Variants in CSNK1G1 observed in about 807,000 individuals in gnomAD.
CSNK1G1 encodes the protein casein kinase I isoform gamma-1.
Under a neutral mutation model 59.6 loss-of-function variants are expected in CSNK1G1, and 22 were observed. The ratio of observed to expected loss-of-function variants is 0.37; its 90% confidence interval spans 0.26 to 0.53. The LOEUF (loss-of-function observed/expected upper bound fraction) is 0.53, where lower values mean the gene tolerates loss of function less well. Among genes scored for constraint, CSNK1G1 ranks in the 20% least tolerant of loss-of-function variants. The probability of loss-of-function intolerance (pLI) is 0.89; values close to 1 mark genes in which losing one functional copy is unlikely to be tolerated. For synonymous variants in CSNK1G1, 179 were observed against 177.1 expected (o/e 1.01, Z -0.08); for missense variants, 384 against 519.5 (o/e 0.74, Z 2.54).
In CSNK1G1 at chr15:64,183,632, G is replaced by C. The variant is rs75011254; in HGVS notation, c.1108-3178C>G. On this transcript the variant is annotated intron_variant, in intron 10 of 11. Transcript: ENST00000303052. Reference sequence around the variant, plus strand: ...ATCCTATCAACTTCATAAATATGAAGGGAATTAAATACAATGATGTTTAGA... The same window carrying C: ...ATCCTATCAACTTCATAAATATGAACGGAATTAAATACAATGATGTTTAGA... 6.9e-3 allele frequency among the ~76,000 whole-genome samples: 1,047 copies of C among 151,972 alleles called. 11 individuals are homozygous for C. Among genetic ancestry groups the C allele is most frequent in the African/African-American group, 0.017 (703 of 41,424 alleles).
At chr15:64,201,271 C>CAAAAA (rs545719275) in intron 10 of CSNK1G1, among the ~76,000 whole-genome samples, 9 of 64,920 alleles carry the variant, frequency 1.4e-4, no homozygotes, top group African/African-American at 3.9e-4. Context: ...GACACTGTCT[C>CAAAAA]AAAAAAAAAA....
chr15:64,195,959 G>T (rs894877111), intron 10 of CSNK1G1, among the ~76,000 whole-genome samples: 2 of 152,200 alleles, frequency 1.3e-5, no homozygotes, highest in Admixed American at 6.5e-5. Context: ...GCCAGGCATG[G>T]TAGCTCACAC....
At chr15:64,199,273 GAAAAA>G (rs2082078366) in intron 10 of CSNK1G1, among the ~76,000 whole-genome samples, 66 of 114,264 alleles carry the variant, frequency 5.8e-4, no homozygotes, top group African/African-American at 2.2e-3. Context: ...AAAAAAAAAA[GAAAAA>G]GAAAAGAAAA....
intron 2 of CSNK1G1, 130 bp from the exon 3 acceptor site, chr15:64,259,371 A>G (rs1892564145): frequency 3.2e-6 from 2 of 633,022 alleles, no homozygotes; most frequent in Non-Finnish European, 5.3e-6. Flanking sequence ...AACTTGATTT[A>G]TAAGCGAAAA....
rs780521663 is a variant in CSNK1G1, at chr15:64,213,864, C to T, written c.679+26G>A. The T allele has an allele frequency of 4.1e-6, 6 of 1,479,846 alleles. No individual in the cohort carries two copies. The Admixed American group carries it at 8.4e-5, about 21-fold the overall frequency. The allele number at this position is 1,479,846 out of a possible 1,614,324, so 91.7% of individuals were successfully genotyped here. Reference sequence around the variant, plus strand: ...AATAAACTGTTCTAATGACTCGCCCCTTTCATGGAACAGAAAAAAACACAC... The same window carrying T: ...AATAAACTGTTCTAATGACTCGCCCTTTTCATGGAACAGAAAAAAACACAC... On this transcript the variant is annotated intron_variant, in intron 6 of 11. Transcript: ENST00000303052.
At chr15:64,224,451 ACT>A (rs962803754) in intron 4 of CSNK1G1, among the ~76,000 whole-genome samples, 3 of 152,092 alleles carry the variant, frequency 2.0e-5, no homozygotes, top group African/African-American at 7.2e-5. Flanking sequence ...AGCCTTTAAA[ACT>A]CTGAGAATAA....
At chr15:64,195,421 C>A (rs148319302) in intron 10 of CSNK1G1, among the ~76,000 whole-genome samples, 5 of 152,136 alleles carry the variant, frequency 3.3e-5, no homozygotes, top group Admixed American at 3.3e-4. Flanking sequence ...TGAACCATTG[C>A]GGTGTAATGT....
At chr15:64,308,949 G>A (rs1895843546) in intron 1 of CSNK1G1, among the ~76,000 whole-genome samples, 1 of 151,352 alleles carries the variant, frequency 6.6e-6, no homozygotes, top group Non-Finnish European at 1.5e-5. Flanking sequence ...TCTGGCACTT[G>A]CTTACCTCTT....
rs1267850892 is a variant in CSNK1G1, at chr15:64,176,051, T to C, written c.1215-4066A>G. Among the ~76,000 whole-genome samples the C allele has an allele frequency of 3.9e-5, 6 of 152,226 alleles. No individual in the cohort carries two copies. The highest frequency in any genetic ancestry group is 7.2e-5 in the African/African-American group (3 of 41,458). On this transcript the variant is annotated intron_variant, in intron 11 of 11. Coordinates refer to ENST00000303052, the MANE Select transcript of CSNK1G1 (RefSeq NM_022048.5). The surrounding 1 kb of genome is among the most constrained non-coding windows in gnomAD (Gnocchi z 5.2). The stretch of plus-strand genomic sequence containing the variant: ...CTGTTATGGCAGGAGGAGACAGCGA[T>C]AAGATGGGTTTGAAAGAAGGAATAG...
chr15:64,214,250 C>T lies in CSNK1G1; in HGVS notation c.445-126G>A, dbSNP rs1230335279. ...AACAGTAAAATTCATCTCCTTTCACCGCCCTGAGTCACTTCACTGACTTGT... is the reference window on the plus strand; with the variant it reads ...AACAGTAAAATTCATCTCCTTTCACTGCCCTGAGTCACTTCACTGACTTGT... On this transcript the variant is annotated intron_variant, in intron 5 of 11. Transcript: ENST00000303052. The surrounding 1 kb of genome is among the most constrained non-coding windows in gnomAD (Gnocchi z 4.3). 11 of 691,204 alleles carry T rather than the reference C, an allele frequency of 1.6e-5. No homozygotes were observed. The highest frequency in any genetic ancestry group is 2.5e-5 in the Non-Finnish European group (10 of 400,524). 42.8% of individuals were successfully genotyped at this position (691,204 alleles called of 1,614,324 possible).
At chr15:64,270,068 T>C (rs919601937) in intron 2 of CSNK1G1, among the ~76,000 whole-genome samples, 1 of 152,106 alleles carries the variant, frequency 6.6e-6, no homozygotes, top group African/African-American at 2.4e-5. Flanking sequence ...TTGGCCTCCC[T>C]AAATGCTGGG....
intron 5 of CSNK1G1, among the ~76,000 whole-genome samples, chr15:64,215,204 C>CTT (rs11343127): frequency 4.0e-4 from 33 of 81,730 alleles, no homozygotes; most frequent in Non-Finnish European, 5.7e-4. Flanking sequence ...TTTCTACTAA[C>CTT]TTTTTTTTTT....
At chr15:64,223,030 G>C (rs1321967594) in intron 4 of CSNK1G1, among the ~76,000 whole-genome samples, 7 of 152,070 alleles carry the variant, frequency 4.6e-5, no homozygotes, top group African/African-American at 7.2e-5. Flanking sequence ...GTTTCTTTGG[G>C]AGATGTAGCT....
At chr15:64,218,479 G>A (rs1379460474) in intron 4 of CSNK1G1, among the ~76,000 whole-genome samples, 5 of 151,086 alleles carry the variant, frequency 3.3e-5, no homozygotes, top group African/African-American at 1.2e-4. Context: ...TGTAACCTCC[G>A]CCTCCTGGGT....
intron 1 of CSNK1G1, among the ~76,000 whole-genome samples, chr15:64,347,649 CAGAAAAGAAAAG>C (rs1306683705): frequency 1.4e-5 from 2 of 145,404 alleles, no homozygotes; most frequent in Non-Finnish European, 3.0e-5. Flanking sequence ...GGAAAATGTA[CAGAAAAGAAAAG>C]AGAAAAGAAA....
intron 9 of CSNK1G1, 49 bp downstream of exon 9, chr15:64,204,392 G>T: frequency 6.8e-7 from 1 of 1,466,490 alleles, no homozygotes; most frequent in South Asian, 1.3e-5. Context: ...GTGCTGGTTG[G>T]AGAAAGGAGG....
chr15:64,195,078 A>G (rs2082022066), intron 10 of CSNK1G1: 1 of 152,234 alleles, frequency 6.6e-6, no homozygotes, highest in South Asian at 2.1e-4. Context: ...GGAACAGTCC[A>G]CCTAGTACAA....
chr15:64,257,696 G>C (rs979416711), intron 3 of CSNK1G1, among the ~76,000 whole-genome samples: 4 of 151,976 alleles, frequency 2.6e-5, no homozygotes, highest in African/African-American at 9.7e-5. Context: ...CTAATTTTTT[G>C]TATTTTTTGT....
At chr15:64,349,268 C>T (rs1221998610) in intron 1 of CSNK1G1, among the ~76,000 whole-genome samples, 1 of 151,980 alleles carries the variant, frequency 6.6e-6, no homozygotes, top group Non-Finnish European at 1.5e-5. Flanking sequence ...GGATCCAATG[C>T]TATTGTTCCC....
Sources: allele counts gnomAD v4.1 joint callset (sites outside exome capture counted in the v4.1 genomes callset), GRCh38; gene constraint gnomAD v4.1.1; non-coding constraint Gnocchi (gnomAD v3.1); transcripts MANE v1.5; gene names NCBI Gene and HGNC (gene_info 2026-07-23, HGNC 2026-07-21).